Variants in ITPR2 observed in about 807,000 individuals in gnomAD.
The protein encoded by ITPR2 is inositol 1,4,5-trisphosphate-gated calcium channel ITPR2.
ITPR2 carries 207 observed loss-of-function variants against 317.1 expected under a neutral mutation model. The ratio of observed to expected loss-of-function variants is 0.65; its 90% CI spans 0.58 to 0.73. ITPR2 has a LOEUF of 0.73. Among genes scored for constraint, ITPR2 ranks in the 30% least tolerant of loss-of-function variants. The probability of loss-of-function intolerance (pLI) is 0.00; values close to 1 mark genes in which losing one functional copy is unlikely to be tolerated. For synonymous variants in ITPR2, 1,156 were observed against 1,149.1 expected (o/e 1.01, Z -0.12); for missense variants, 2,613 against 3,284.0 (o/e 0.80, Z 4.99).
At chr12:26,719,904 TA>T (rs1415099886) in intron 5 of ITPR2, among the ~76,000 whole-genome samples, 1 of 151,926 alleles carries the variant, frequency 6.6e-6, no homozygotes, top group African/African-American at 2.4e-5. Context: ...AAATCTACCA[TA>T]AAAGTAAAGA....
intron 55 of ITPR2, among the ~76,000 whole-genome samples, chr12:26,359,950 A>G (rs1475059176): frequency 6.6e-6 from 1 of 152,142 alleles, no homozygotes; most frequent in East Asian, 1.9e-4. Context: ...TTTCGCCTCT[A>G]CGTGCCCACT....
intron 32 of ITPR2, among the ~76,000 whole-genome samples, chr12:26,589,554 C>T (rs1045653556): frequency 6.6e-6 from 1 of 150,812 alleles, no homozygotes; most frequent in African/African-American, 2.4e-5. Flanking sequence ...TTTGGGAGGC[C>T]GAGGCGGGCA....
In ITPR2 at chr12:26,600,196, T is replaced by C. The variant is rs1396047634; in HGVS notation, c.3679-87A>G. On this transcript the variant is annotated intron_variant, in intron 28 of 56. Transcript: ENST00000381340. ...AAATCTCTCCTTCACCCACATACCATTTTTCTCTCTGCCCATCTTTGATCT... is the reference window on the plus strand; with the variant it reads ...AAATCTCTCCTTCACCCACATACCACTTTTCTCTCTGCCCATCTTTGATCT... 5.3e-6 allele frequency: 6 copies of C among 1,142,096 alleles called. No individual in the cohort carries two copies. In the African/African-American group the frequency reaches 6.2e-5, roughly 12 times the overall value. The allele number at this position is 1,142,096 out of a possible 1,614,324, so 70.7% of individuals were successfully genotyped here.
intron 8 of ITPR2, among the ~76,000 whole-genome samples, chr12:26,712,902 T>C (rs1287441599): frequency 3.9e-5 from 6 of 152,256 alleles, no homozygotes; most frequent in Non-Finnish European, 8.8e-5. Context: ...TGCTGCAATT[T>C]ACAGGGAATT....
At position 26,696,776 on chromosome 12, in the gene ITPR2, T is replaced by C. The variant is rs145500580; in HGVS notation, c.952-1126A>G. ...AAAGATAAGAAGATAGTGAGTCAGT[T>C]TGAACGCTGACGTAGAAACCCAGAG... On this transcript the variant is annotated intron_variant, in intron 9 of 56. Coordinates refer to ENST00000381340, the MANE Select transcript of ITPR2 (RefSeq NM_002223.4). Among the ~76,000 whole-genome samples, 6 of 152,324 alleles carry C rather than the reference T, an allele frequency of 3.9e-5. No individual in the cohort carries two copies. In the East Asian group the frequency reaches 9.6e-4, roughly 24 times the overall value.
At position 26,605,968 on chromosome 12, in the gene ITPR2, C is replaced by T. The variant is rs114870587; in HGVS notation, c.3463-3262G>A. On this transcript the variant is annotated intron_variant, in intron 26 of 56. Transcript: ENST00000381340. ...AGGTTTTGTTTTCTAATTCTGATGC[C>T]AAAATGGTCTAAATAAAGGTGCTCC... Among the ~76,000 whole-genome samples, 275 of 152,038 alleles carry T rather than the reference C, an allele frequency of 1.8e-3. 1 individual carries two copies. Among genetic ancestry groups the T allele is most frequent in the African/African-American group, 6.2e-3 (258 of 41,478 alleles).
rs1269587233 is a variant in ITPR2, at chr12:26,351,900, C to A, written c.7858-11572G>T. Reference sequence around the variant, plus strand: ...AGAACATAAATGTTTATTTCTTCTGCAAATAATATGAAGTAGAAACATTTG... The same window carrying A: ...AGAACATAAATGTTTATTTCTTCTGAAAATAATATGAAGTAGAAACATTTG... On this transcript the variant is annotated intron_variant, in intron 55 of 56. Coordinates refer to ENST00000381340, the MANE Select transcript of ITPR2 (RefSeq NM_002223.4). Among the ~76,000 whole-genome samples the A allele has an allele frequency of 2.0e-5, 3 of 152,138 alleles. No homozygotes were observed. The East Asian group carries it at 5.8e-4, about 29-fold the overall frequency.
At chr12:26,398,655 A>C (rs917534428) in intron 54 of ITPR2, among the ~76,000 whole-genome samples, 2 of 152,230 alleles carry the variant, frequency 1.3e-5, no homozygotes, top group African/African-American at 4.8e-5. Context: ...GAATCATGTA[A>C]ATCACAGAAA....
At chr12:26,565,473 A>AGACAGAT (rs1944925922) in intron 34 of ITPR2, among the ~76,000 whole-genome samples, 1 of 149,788 alleles carries the variant, frequency 6.7e-6, no homozygotes, top group Non-Finnish European at 1.5e-5. Flanking sequence ...TTGGATGAAT[A>AGACAGAT]GATAGACAGA....
intron 52 of ITPR2, among the ~76,000 whole-genome samples, chr12:26,402,809 T>C (rs1467142003): frequency 2.6e-5 from 4 of 152,194 alleles, no homozygotes; most frequent in Non-Finnish European, 5.9e-5. Context: ...TGAGTCATGG[T>C]AAATTCATCT....
chr12:26,462,214 T>C lies in ITPR2; in HGVS notation c.6342+13082A>G, dbSNP rs188581536. On this transcript the variant is annotated intron_variant, in intron 45 of 56. Transcript: ENST00000381340. ...CAAAGTATTCCTCTGCTGCCCAGAC[T>C]GGAGTGCAGTGGTGCCATCTCGGCT... 3.4e-3 allele frequency among the ~76,000 whole-genome samples: 513 copies of C among 149,472 alleles called. 1 individual carries two copies. Among genetic ancestry groups the C allele is most frequent in the African/African-American group, 0.012 (489 of 39,630 alleles).
chr12:26,444,002 CA>C (rs1179702604), intron 45 of ITPR2, among the ~76,000 whole-genome samples: 1 of 152,070 alleles, frequency 6.6e-6, no homozygotes, highest in Non-Finnish European at 1.5e-5. Context: ...GTGGTGGGAA[CA>C]ATATAAATGT....
At chr12:26,556,081 T>G (rs1302174953) in intron 36 of ITPR2, 152 bp downstream of exon 36, 1 of 598,488 alleles carries the variant, frequency 1.7e-6, no homozygotes, top group Non-Finnish European at 2.6e-6. Context: ...ATGAATCAAT[T>G]TAATTATTCT....
chr12:26,820,086 A>C (rs961561300), intron 1 of ITPR2, among the ~76,000 whole-genome samples: 2 of 152,132 alleles, frequency 1.3e-5, no homozygotes, highest in African/African-American at 2.4e-5. Context: ...AAAAAAGAAA[A>C]GGCCATGTAC....
chr12:26,486,691 T>G, intron 40 of ITPR2: 1 of 531,558 alleles, frequency 1.9e-6, no homozygotes, highest in East Asian at 4.7e-5. Context: ...GATTTGTATT[T>G]AATACATGGA....
intron 55 of ITPR2, among the ~76,000 whole-genome samples, chr12:26,376,887 C>A (rs1242391765): frequency 6.6e-6 from 1 of 152,006 alleles, no homozygotes; most frequent in Non-Finnish European, 1.5e-5. Context: ...TGCAACCATG[C>A]CCAGCTAATT....
rs766815222 is a variant in ITPR2, at chr12:26,580,149, TG to T, written c.4386del (p.Cys1462Ter). On this transcript the variant is annotated frameshift_variant, in exon 33 of 57. Coordinates refer to ENST00000381340, the MANE Select transcript of ITPR2 (RefSeq NM_002223.4). LOFTEE classifies it high-confidence loss of function. ...GCATGTTTCCTGTCTGTAGTTGTGT[TG>T]CAAACCTGGAGAGAAAATAAAACAA... Reference protein sequence around the residue: ...ENFLVDMARVCNTTTDRKHAD... With the variant: ...ENFLVDMARVXNTTTDRKHAD... 1 of 1,611,046 alleles carries T rather than the reference TG, an allele frequency of 6.2e-7. No individual in the cohort carries two copies. The highest frequency in any genetic ancestry group is 8.5e-7 in the Non-Finnish European group (1 of 1,178,444).
At chr12:26,441,083 A>G (rs1941479131) in intron 46 of ITPR2, among the ~76,000 whole-genome samples, 2 of 152,186 alleles carry the variant, frequency 1.3e-5, no homozygotes, top group Admixed American at 1.3e-4. Flanking sequence ...GAGTCAAGCT[A>G]TCATGTTGAG....
At chr12:26,419,566 C>T (rs529331961) in intron 49 of ITPR2, 74 of 167,728 alleles carry the variant, frequency 4.4e-4, no homozygotes, top group Non-Finnish European at 7.6e-4. Flanking sequence ...TGACCTAGTT[C>T]ATGCAGCTGA....
Sources: allele counts gnomAD v4.1 joint callset (sites outside exome capture counted in the v4.1 genomes callset), GRCh38; gene constraint gnomAD v4.1.1; transcripts MANE v1.5; gene names NCBI Gene and HGNC (gene_info 2026-07-23, HGNC 2026-07-21).